GIT2: variants seen among roughly 807,000 people sequenced by gnomAD.
GIT2 encodes the protein ARF GTPase-activating protein GIT2.
GIT2 carries 32 observed loss-of-function variants against 100.3 expected under a neutral mutation model. That is an observed-to-expected ratio of 0.32 (90% CI 0.24 to 0.43). The LOEUF (loss-of-function observed/expected upper bound fraction) is 0.43. GIT2 is among the 20% of genes least tolerant of loss of function. The pLI, the probability that GIT2 is intolerant of heterozygous loss-of-function variation, is 1.00. For missense variants in GIT2, 737 were observed against 975.1 expected, an observed-to-expected ratio of 0.76 and a Z score of 3.25; for synonymous variants, 353 against 364.1, an observed-to-expected ratio of 0.97 and a Z score of 0.35.
intron 7 of GIT2, among the ~76,000 whole-genome samples, chr12:109,972,471 ATT>A (rs879434945): frequency 4.2e-5 from 6 of 143,692 alleles, no homozygotes; most frequent in Non-Finnish European, 4.6e-5. Flanking sequence ...ACATTAACTG[ATT>A]TTTTTTTTTT....
intron 7 of GIT2, among the ~76,000 whole-genome samples, chr12:109,972,609 A>C (rs1264080066): frequency 6.6e-6 from 1 of 151,854 alleles, no homozygotes; most frequent in African/African-American, 2.4e-5. Context: ...AGCTACATGC[A>C]TGCACCACCA....
At chr12:109,991,006 TG>T (rs1888252286) in intron 2 of GIT2, among the ~76,000 whole-genome samples, 1 of 152,122 alleles carries the variant, frequency 6.6e-6, no homozygotes, top group South Asian at 2.1e-4. Flanking sequence ...TTCATTATCA[TG>T]CATAGAAAAG....
intron 13 of GIT2, 54 bp downstream of exon 13, chr12:109,953,038 G>GCTA: frequency 9.4e-6 from 15 of 1,591,018 alleles, no homozygotes; most frequent in Non-Finnish European, 1.3e-5. Flanking sequence ...CTTTGGCAGG[G>GCTA]CTAGCCCTCA....
chr12:109,990,439 G>A (rs1000863361), intron 2 of GIT2, among the ~76,000 whole-genome samples: 26 of 152,216 alleles, frequency 1.7e-4, no homozygotes, highest in Admixed American at 7.2e-4. Flanking sequence ...ACATGAGCGT[G>A]AGCGGTTAGA....
rs1403629315 is a variant in GIT2 at position 109,933,591 on chromosome 12, ATATTT to A, written c.2068-406_2068-402del. 1.4e-5 allele frequency: 3 copies of A among 210,012 alleles called. No homozygotes were observed. The highest frequency in any genetic ancestry group is 1.0e-4 in the Admixed American group (2 of 19,064). The allele number at this position is 210,012 out of a possible 1,614,324, so 13.0% of individuals were successfully genotyped here. The stretch of plus-strand genomic sequence containing the variant: ...ATATTTCAAAGCTCTATACGACTGC[ATATTT>A]TATTTTATTTTACTTTTTTTTGAGA... On this transcript the variant is annotated intron_variant, in intron 19 of 19. Coordinates refer to ENST00000355312, the MANE Select transcript of GIT2 (RefSeq NM_057169.5). The surrounding 1 kb of genome is among the most constrained non-coding windows in gnomAD (Gnocchi z 4.5).
At chr12:109,956,098 TTTC>T (rs1879374560) in intron 12 of GIT2, among the ~76,000 whole-genome samples, 1 of 152,080 alleles carries the variant, frequency 6.6e-6, no homozygotes, top group Non-Finnish European at 1.5e-5. Context: ...CTGGCTAATT[TTTC>T]TTGTATTTTT....
chr12:109,947,866 G>C lies in GIT2; in HGVS notation c.1393-362C>G. The C allele has an allele frequency of 5.3e-6, 1 of 188,520 alleles. No homozygotes were observed. Among genetic ancestry groups the C allele is most frequent in the South Asian group, 1.1e-4 (1 of 9,142 alleles). 11.7% of individuals were successfully genotyped at this position (188,520 alleles called of 1,614,324 possible). On this transcript the variant is annotated intron_variant, in intron 14 of 19. Transcript: ENST00000355312. The surrounding 1 kb of genome is among the most constrained non-coding windows in gnomAD (Gnocchi z 4.3). ...CTAAGGCTGTTTCAAGCAAGAGTTC[G>C]AGATCATTAAAACATCATTTAGGTA...
intron 1 of GIT2, among the ~76,000 whole-genome samples, chr12:109,995,395 A>G (rs1000280322): frequency 1.3e-5 from 2 of 152,224 alleles, no homozygotes; most frequent in East Asian, 3.8e-4. Flanking sequence ...CAAGAGTTCT[A>G]CTGTAGACAG....
At chr12:109,951,421 T>C (rs556852777) in intron 13 of GIT2, 105 bp from the exon 14 acceptor site, 1 of 904,180 alleles carries the variant, frequency 1.1e-6, no homozygotes, top group East Asian at 2.5e-5. Context: ...AATTGCAAAG[T>C]TAGTCAAACC....
intron 15 of GIT2, among the ~76,000 whole-genome samples, chr12:109,946,913 GATTT>G (rs1014473123): frequency 1.3e-5 from 2 of 152,104 alleles, no homozygotes; most frequent in African/African-American, 4.8e-5. Flanking sequence ...TGAACTTTAT[GATTT>G]ATTTTTGTTT....
At chr12:109,977,694 C>G (rs1051906867) in intron 7 of GIT2, among the ~76,000 whole-genome samples, 2 of 151,892 alleles carry the variant, frequency 1.3e-5, no homozygotes, top group African/African-American at 2.4e-5. Flanking sequence ...TGGTGGCAGG[C>G]ACGTGTAATC....
intron 16 of GIT2, among the ~76,000 whole-genome samples, chr12:109,942,572 A>C (rs777598801): frequency 3.9e-4 from 60 of 152,192 alleles, no homozygotes; most frequent in Admixed American, 8.5e-4. Context: ...GAGCTCAGGC[A>C]ATCTACCTGC....
intron 4 of GIT2, among the ~76,000 whole-genome samples, chr12:109,988,651 G>A (rs1479231230): frequency 6.6e-6 from 1 of 151,864 alleles, no homozygotes; most frequent in Non-Finnish European, 1.5e-5. Flanking sequence ...TCAGGAGTTC[G>A]AAACCAGCCT....
intron 12 of GIT2, among the ~76,000 whole-genome samples, chr12:109,955,876 GA>G (rs1879291365): frequency 1.3e-5 from 2 of 151,390 alleles, no homozygotes; most frequent in South Asian, 4.2e-4. Flanking sequence ...AACACACCTA[GA>G]AAATTTTTAA....
upstream of GIT2, chr12:109,999,800 G>T: frequency 1.3e-6 from 2 of 1,526,306 alleles, no homozygotes; most frequent in East Asian, 2.6e-5. The surrounding 1 kb of genome is among the most constrained non-coding windows in gnomAD (Gnocchi z 4.3). Context: ...GGGCGGGGCG[G>T]GGGTCCGTCT....
intron 7 of GIT2, among the ~76,000 whole-genome samples, chr12:109,979,026 C>T (rs1002809360): frequency 6.6e-6 from 1 of 152,184 alleles, no homozygotes; most frequent in East Asian, 1.9e-4. Context: ...GGTTCTGCCT[C>T]CTGGGCAGAT....
intron 8 of GIT2, 156 bp downstream of exon 8, chr12:109,967,302 T>C: frequency 1.3e-6 from 2 of 1,588,074 alleles, no homozygotes; most frequent in Non-Finnish European, 1.7e-6. Context: ...TTTTATATAG[T>C]GGTTTACTTA....
chr12:109,965,121 G>C (rs917675158), intron 9 of GIT2, among the ~76,000 whole-genome samples: 4 of 152,160 alleles, frequency 2.6e-5, no homozygotes, highest in Non-Finnish European at 5.9e-5. Context: ...GGCAGCCAGT[G>C]AATCTATGGG....
intron 18 of GIT2, among the ~76,000 whole-genome samples, chr12:109,937,776 C>T (rs1228460149): frequency 7.9e-5 from 12 of 152,172 alleles, no homozygotes; most frequent in Non-Finnish European, 1.3e-4. Context: ...GATCTTGGCT[C>T]GCTGCAACCT....
Sources: allele counts gnomAD v4.1 joint callset (sites outside exome capture counted in the v4.1 genomes callset), GRCh38; gene constraint gnomAD v4.1.1; non-coding constraint Gnocchi (gnomAD v3.1); transcripts MANE v1.5; gene names NCBI Gene and HGNC (gene_info 2026-07-23, HGNC 2026-07-21).